ARHGEF3: variants seen among roughly 807,000 people sequenced by gnomAD.
ARHGEF3 encodes Rho guanine nucleotide exchange factor 3.
Under a neutral mutation model 63.2 loss-of-function variants are expected in ARHGEF3, and 28 were observed. That is an observed-to-expected ratio of 0.44 (90% confidence interval 0.33 to 0.61). ARHGEF3 has a LOEUF of 0.61. ARHGEF3 is among the 20% of genes least tolerant of loss of function. The pLI is 0.03. For missense variants in ARHGEF3, 533 were observed against 659.3 expected, an observed-to-expected ratio of 0.81 and a Z score of 2.10; for synonymous variants, 266 against 254.2, an observed-to-expected ratio of 1.05 and a Z score of -0.44.
At chr3:56,992,024 C>CTCTCTCTCTGTGTGTGTG (rs1239113895) in intron 2 of ARHGEF3, among the ~76,000 whole-genome samples, 36 of 131,720 alleles carry the variant, frequency 2.7e-4, no homozygotes, top group African/African-American at 9.0e-4. Flanking sequence ...CCTCCTCTCT[C>CTCTCTCTCTGTGTGTGTG]TGTGTGTGTG....
chr3:56,991,084 A>G (rs1048853112), intron 2 of ARHGEF3, among the ~76,000 whole-genome samples: 3 of 152,054 alleles, frequency 2.0e-5, no homozygotes, highest in Non-Finnish European at 4.4e-5. Flanking sequence ...GATTCCTGCC[A>G]TGTCTTTTAC....
chr3:56,850,357 T>C (rs995383353), intron 4 of ARHGEF3, among the ~76,000 whole-genome samples: 1 of 152,148 alleles, frequency 6.6e-6, no homozygotes, highest in Non-Finnish European at 1.5e-5. Context: ...GGTGAAACCT[T>C]GTCTCTACTA....
chr3:57,066,455 G>A (rs1705542536), intron 1 of ARHGEF3, among the ~76,000 whole-genome samples: 1 of 152,120 alleles, frequency 6.6e-6, no homozygotes, highest in Non-Finnish European at 1.5e-5. Flanking sequence ...TAGAGACGGG[G>A]TTTCACCATG....
chr3:56,750,989 G>A (rs1320117983), intron 6 of ARHGEF3, 67 bp downstream of exon 6: 1 of 1,132,922 alleles, frequency 8.8e-7, no homozygotes, highest in Admixed American at 2.8e-5. Context: ...AAAAAGTCTA[G>A]CTAAAATGAA....
intron 3 of ARHGEF3, among the ~76,000 whole-genome samples, chr3:56,931,625 A>G (rs900426771): frequency 2.0e-5 from 3 of 151,830 alleles, no homozygotes; most frequent in Non-Finnish European, 4.4e-5. Context: ...TTTCCTAAAA[A>G]AACCAAATTT....
intron 3 of ARHGEF3, among the ~76,000 whole-genome samples, chr3:56,949,776 A>G (rs1486856586): frequency 1.3e-5 from 2 of 152,174 alleles, no homozygotes; most frequent in East Asian, 3.9e-4. Flanking sequence ...ATTGGAAAAA[A>G]CTACTTTAAA....
chr3:56,803,813 G>C (rs1210734951), upstream of ARHGEF3, among the ~76,000 whole-genome samples: 1 of 151,702 alleles, frequency 6.6e-6, no homozygotes, highest in Admixed American at 6.6e-5. Flanking sequence ...GAGAAAAAAA[G>C]AAAAATACCT....
At chr3:56,885,686 C>T (rs955844883) in intron 3 of ARHGEF3, among the ~76,000 whole-genome samples, 14 of 152,194 alleles carry the variant, frequency 9.2e-5, no homozygotes, top group African/African-American at 3.4e-4. Context: ...CTGCCACCTG[C>T]TCCAAGTGTC....
rs1000088051 is a variant in ARHGEF3, at chr3:56,762,316, T to C, written c.205-7165A>G. Among the ~76,000 whole-genome samples the C allele has an allele frequency of 3.3e-5, 5 of 152,112 alleles. No homozygotes were observed. The East Asian group carries it at 5.8e-4, about 18-fold the overall frequency. ...ACAAGCAAGAGTTTCCATGAGGGAA[T>C]CTGGCCTAGCAAATGAGTCAAAAAC... On this transcript the variant is annotated intron_variant, in intron 2 of 9. Transcript: ENST00000296315.
intron 3 of ARHGEF3, among the ~76,000 whole-genome samples, chr3:56,955,094 C>T (rs1341414347): frequency 1.3e-5 from 2 of 152,088 alleles, no homozygotes; most frequent in Admixed American, 1.3e-4. Flanking sequence ...TTTTCCAAAC[C>T]ATTTCTCACC....
At chr3:56,778,603 A>C (rs760663030) in intron 1 of ARHGEF3, among the ~76,000 whole-genome samples, 44 of 152,106 alleles carry the variant, frequency 2.9e-4, no homozygotes, top group Non-Finnish European at 4.9e-4. Context: ...CACGATCACG[A>C]CTCACGGCAG....
intron 3 of ARHGEF3, among the ~76,000 whole-genome samples, chr3:56,885,355 A>C (rs550436269): frequency 1.3e-5 from 2 of 152,320 alleles, no homozygotes; most frequent in African/African-American, 4.8e-5. Flanking sequence ...TTGGGCGACA[A>C]GACCTGGCAC....
At chr3:56,992,024 C>CTG (rs58860849) in intron 2 of ARHGEF3, among the ~76,000 whole-genome samples, 1,457 of 131,678 alleles carry the variant, frequency 0.011, 29 homozygotes, top group African/African-American at 0.022. Flanking sequence ...CCTCCTCTCT[C>CTG]TGTGTGTGTG....
At chr3:56,747,663 A>C (rs911372944) in intron 6 of ARHGEF3, among the ~76,000 whole-genome samples, 1 of 152,176 alleles carries the variant, frequency 6.6e-6, no homozygotes, top group Non-Finnish European at 1.5e-5. Flanking sequence ...TCTTTACTAA[A>C]ATATATAAAA....
At chr3:56,976,975 T>G (rs1701148060) in intron 2 of ARHGEF3, among the ~76,000 whole-genome samples, 1 of 152,146 alleles carries the variant, frequency 6.6e-6, no homozygotes, top group Admixed American at 6.5e-5. Context: ...AGGGTAATAT[T>G]AGTACTATTT....
intron 2 of ARHGEF3, among the ~76,000 whole-genome samples, chr3:57,032,748 A>C (rs1178533075): frequency 6.6e-6 from 1 of 152,196 alleles, no homozygotes; most frequent in East Asian, 1.9e-4. Flanking sequence ...AAAGTAGGGA[A>C]ATCCAGCTGA....
chr3:56,791,193 C>T (rs753476936), intron 1 of ARHGEF3, among the ~76,000 whole-genome samples: 4 of 151,892 alleles, frequency 2.6e-5, no homozygotes, highest in African/African-American at 4.8e-5. Flanking sequence ...ACTTGAACCC[C>T]GGAGTTCGAG....
rs543395819 is a variant in ARHGEF3 at position 56,816,052 on chromosome 3, C to G, written c.193-42236G>C. ...AACATAGTGAGATCCTGTCTGTACA[C>G]AAAATGTAAAAATTTAGGAGGGCAT... On this transcript the variant is annotated intron_variant, in intron 4 of 12. Coordinates refer to the ARHGEF3 transcript ENST00000338458. 4.7e-4 allele frequency among the ~76,000 whole-genome samples: 72 copies of G among 152,192 alleles called. No individual in the cohort carries two copies. The Middle Eastern group carries it at 0.017, about 36-fold the overall frequency.
intron 1 of ARHGEF3, chr3:57,073,436 C>T (rs144683735): frequency 2.5e-5 from 11 of 435,380 alleles, no homozygotes; most frequent in East Asian, 1.5e-4. Context: ...AGTGGACAAG[C>T]GTGAAAGAGC....
Sources: gnomAD v4.1 joint callset for allele counts (sites outside exome capture counted in the v4.1 genomes callset) on GRCh38, gnomAD v4.1.1 for gene constraint, MANE v1.5 for transcripts, NCBI Gene and HGNC (gene_info 2026-07-23, HGNC 2026-07-21) for gene names.